The following TMEM9 variants were observed in gnomAD, a reference collection of about 807,000 sequenced individuals.
TMEM9 encodes the protein proton-transporting V-type ATPase complex assembly regulator TMEM9.
In TMEM9, 13 loss-of-function variants were observed where a neutral mutation model predicts 22.8. The ratio of observed to expected loss-of-function variants is 0.57; its 90% CI spans 0.37 to 0.91. TMEM9 has a LOEUF of 0.91. Ranked by LOEUF, TMEM9 falls within the 40% of genes least tolerant of loss-of-function variation. TMEM9 has a pLI of 0.01. For synonymous variants in TMEM9, 88 were observed against 93.0 expected, an observed-to-expected ratio of 0.95 and a Z score of 0.31; for missense variants, 182 against 238.1, an observed-to-expected ratio of 0.76 and a Z score of 1.55.
chr1:201,167,128 GAATTGTTA>G (rs1376377295), intron 1 of TMEM9, among the ~76,000 whole-genome samples: 1 of 152,238 alleles, frequency 6.6e-6, no homozygotes, highest in Non-Finnish European at 1.5e-5. Context: ...AGGGTTCAAT[GAATTGTTA>G]CTATAACCGC....
At chr1:201,171,526 G>A (rs573779016) in exon 1 of TMEM9, 2 of 152,348 alleles carry the variant, frequency 1.3e-5, no homozygotes, top group African/African-American at 2.4e-5. Context: ...GTGGGTGTTA[G>A]AGGCTTTCAG....
Position 201,160,621 on chromosome 1 carries a change from ATT to A in TMEM9, c.-36-6664_-36-6663del, listed in dbSNP as rs151096062. On this transcript the variant is annotated intron_variant, in intron 1 of 5. Coordinates refer to the TMEM9 transcript ENST00000367333. The stretch of plus-strand genomic sequence containing the variant: ...AAAATATTGAGGTTATACTGGGGAA[ATT>A]TTTTTTTTTTTTTTAAAATCGAGGA... Among the ~76,000 whole-genome samples the A allele has an allele frequency of 1.4e-3, 202 of 148,120 alleles. 1 individual carries two copies. Among genetic ancestry groups the A allele is most frequent in the African/African-American group, 4.8e-3 (191 of 40,144 alleles).
chr1:201,169,584 G>A (rs1722755), intron 1 of TMEM9, among the ~76,000 whole-genome samples: 136,231 of 152,214 alleles, frequency 0.89, 60,971 homozygotes, highest in East Asian at 0.93. Flanking sequence ...ATTGTCCTGG[G>A]AAAGAAAAAT....
chr1:201,157,427 G>A (rs926437029), upstream of TMEM9, among the ~76,000 whole-genome samples: 14 of 152,262 alleles, frequency 9.2e-5, 1 homozygote, highest in East Asian at 1.9e-3. Flanking sequence ...GCATTCCTCC[G>A]TGCAAGCTTC....
chr1:201,154,549 C>T (rs1396283250), upstream of TMEM9: 1 of 152,334 alleles, frequency 6.6e-6, no homozygotes, highest in Non-Finnish European at 1.5e-5. Flanking sequence ...GTCGCCATGG[C>T]AACAAGACCC....
chr1:201,146,664 C>A (rs760623333), intron 3 of TMEM9, 76 bp downstream of exon 3: 1 of 1,439,494 alleles, frequency 6.9e-7, no homozygotes, highest in Admixed American at 1.7e-5. Flanking sequence ...AAGTGAAAAA[C>A]TGTGGGTGTA....
chr1:201,139,031 G>A (rs1664263877), intron 4 of TMEM9, among the ~76,000 whole-genome samples: 1 of 152,196 alleles, frequency 6.6e-6, no homozygotes, highest in Non-Finnish European at 1.5e-5. Context: ...ACACTGGAAG[G>A]ACCCAAGTAA....
rs190593428 is a variant in TMEM9 at position 201,136,172 on chromosome 1, T to A, written c.400-357A>T. ...CCCAGCCTGAACCCACCCCTCACCA[T>A]GCCCCATTCCACTATTTCTAACTCT... is the stretch of plus-strand genomic sequence containing the variant. On this transcript the variant is annotated intron_variant, in intron 4 of 4. Transcript: ENST00000367330. Among the ~76,000 whole-genome samples the A allele has an allele frequency of 2.9e-3, 442 of 152,232 alleles. 5 individuals carry two copies. Among genetic ancestry groups the A allele is most frequent in the South Asian group, 9.3e-3 (45 of 4,828 alleles).
At chr1:201,166,157 T>A (rs922084022) in intron 1 of TMEM9, among the ~76,000 whole-genome samples, 2 of 152,166 alleles carry the variant, frequency 1.3e-5, no homozygotes, top group Non-Finnish European at 2.9e-5. Context: ...CCTCTCTTGC[T>A]AATTTGTCCG....
chr1:201,139,360 C>T (rs1476600107), intron 4 of TMEM9, among the ~76,000 whole-genome samples: 1 of 152,346 alleles, frequency 6.6e-6, no homozygotes, highest in East Asian at 1.9e-4. Flanking sequence ...TCTGAGTTTT[C>T]CATGTTTGAC....
intron 3 of TMEM9, among the ~76,000 whole-genome samples, chr1:201,146,259 T>C (rs1402413121): frequency 6.6e-6 from 1 of 152,188 alleles, no homozygotes; most frequent in East Asian, 1.9e-4. Flanking sequence ...AGAACCAATC[T>C]GATGTTCTCC....
intron 3 of TMEM9, 73 bp from the exon 4 acceptor site, chr1:201,144,024 C>T: frequency 1.3e-6 from 2 of 1,555,044 alleles, no homozygotes; most frequent in South Asian, 1.2e-5. Flanking sequence ...TAGTCTTGGG[C>T]CATCTGTGTC....
intron 3 of TMEM9, chr1:201,145,171 G>T (rs1468310937): frequency 6.6e-6 from 1 of 152,314 alleles, no homozygotes; most frequent in Admixed American, 6.5e-5. Flanking sequence ...AAGTTGAGGG[G>T]AGCCTCCTAG....
chr1:201,135,915 C>G (rs945711049), intron 4 of TMEM9, 100 bp from the exon 5 acceptor site: 29 of 1,282,094 alleles, frequency 2.3e-5, no homozygotes, highest in African/African-American at 1.5e-5. Flanking sequence ...CAAAGCCTTA[C>G]CTTCCCCAGA....
At position 201,170,568 on chromosome 1, in the gene TMEM9, G is replaced by A. The variant is rs535454971; in HGVS notation, c.-37+922C>T. ...CAAGTCTGAGAACACGACTCCCCTAGGAGACAGACACGCTGACGGGCTTGA... is the reference window on the plus strand; with the variant it reads ...CAAGTCTGAGAACACGACTCCCCTAAGAGACAGACACGCTGACGGGCTTGA... On this transcript the variant is annotated intron_variant, in intron 1 of 5. Coordinates refer to the TMEM9 transcript ENST00000367333. 8.7e-4 allele frequency among the ~76,000 whole-genome samples: 133 copies of A among 152,296 alleles called. 4 individuals carry two copies. In the South Asian group the frequency reaches 0.025, roughly 29 times the overall value.
intron 1 of TMEM9, among the ~76,000 whole-genome samples, chr1:201,161,447 C>G (rs1028426598): frequency 1.3e-5 from 2 of 152,176 alleles, no homozygotes; most frequent in Admixed American, 6.5e-5. Flanking sequence ...TGAAGTGTTT[C>G]TGATAATACT....
intron 1 of TMEM9, among the ~76,000 whole-genome samples, chr1:201,152,255 C>T (rs964089282): frequency 3.3e-5 from 5 of 152,252 alleles, no homozygotes; most frequent in Admixed American, 6.5e-5. Context: ...ACCCTCTTCC[C>T]CACATTCCTT....
At chr1:201,135,842 A>T in intron 4 of TMEM9, 27 bp from the exon 5 acceptor site, 1 of 1,565,266 alleles carries the variant, frequency 6.4e-7, no homozygotes, top group East Asian at 2.4e-5. Flanking sequence ...AAAAGAGAAG[A>T]TCTGGCACGG....
At chr1:201,151,887 C>T in intron 1 of TMEM9, 35 bp from the exon 2 acceptor site, 2 of 1,568,790 alleles carry the variant, frequency 1.3e-6, no homozygotes. Flanking sequence ...TATGCAGAGA[C>T]CCTGCCTGGG....
Sources: allele counts gnomAD v4.1 joint callset (sites outside exome capture counted in the v4.1 genomes callset), GRCh38; gene constraint gnomAD v4.1.1; transcripts MANE v1.5; gene names NCBI Gene and HGNC (gene_info 2026-07-23, HGNC 2026-07-21).